Variants in FAM185A observed in about 807,000 individuals in gnomAD.
The protein encoded by FAM185A is family with sequence similarity 185 member A.
A neutral mutation model predicts 45.7 loss-of-function variants in FAM185A; 21 were observed. That is an observed-to-expected ratio of 0.46 (90% CI 0.33 to 0.66). FAM185A has a LOEUF of 0.66. FAM185A is among the 30% of genes least tolerant of loss of function. FAM185A has a pLI of 0.03. For missense variants in FAM185A, 305 were observed against 485.4 expected (o/e 0.63, Z 3.49); for synonymous variants, 117 against 194.0 (o/e 0.60, Z 3.30).
At chr7:102,779,359 T>C (rs190368920) in intron 6 of FAM185A, among the ~76,000 whole-genome samples, 4 of 152,128 alleles carry the variant, frequency 2.6e-5, no homozygotes, top group African/African-American at 9.6e-5. Context: ...TTTAAAGATA[T>C]GGAGGGAGAT....
At chr7:102,749,992 A>G (rs570772224) in intron 1 of FAM185A, among the ~76,000 whole-genome samples, 2 of 152,322 alleles carry the variant, frequency 1.3e-5, no homozygotes, top group South Asian at 4.1e-4. Context: ...TTTCTTGACA[A>G]TTCATTCAAT....
Position 102,749,422 on chromosome 7 carries a change from G to T in FAM185A, c.215G>T (p.Ser72Ile). The change falls in exon 1 of 8, where the codon AGC becomes ATC. Residue 72 changes from serine (S) to isoleucine (I), a missense_variant. Transcript: ENST00000413034. ...RTLKEWTLQV[S>I]PFGRLRARLP... ...CTGAAGGAGTGGACACTGCAGGTGA[G>T]CCCGTTTGGTCGGCTGCGGGCGCGG... 1 of 1,548,372 alleles carries T rather than the reference G, an allele frequency of 6.5e-7. No homozygotes were observed.
Position 102,749,011 on chromosome 7 carries a change from T to A in FAM185A, c.-197T>A. ...CAGGTCAGAGTTTAGAGCTTTCAAA[T>A]CCCAACTTGCCCCTGGGGATTGCGC... On this transcript the variant is annotated 5_prime_UTR_variant, in exon 1 of 8. Transcript: ENST00000413034. The A allele has an allele frequency of 1.1e-6, 1 of 872,966 alleles. No homozygotes were observed. Among genetic ancestry groups the A allele is most frequent in the Admixed American group, 2.0e-5 (1 of 50,146 alleles). 54.1% of individuals were successfully genotyped at this position (872,966 alleles called of 1,614,324 possible).
At chr7:102,823,074 C>T in the FAM185A span, among the ~76,000 whole-genome samples, 633 of 152,104 alleles carry the variant, frequency 4.2e-3, 3 homozygotes, top group African/African-American at 0.015. Context: ...GTGCCCTGCC[C>T]ACCCCCCACA....
chr7:102,749,186 G>T lies in FAM185A; in HGVS notation c.-22G>T, dbSNP rs200430114. On this transcript the variant is annotated 5_prime_UTR_variant, in exon 1 of 8. It adds an upstream start codon to the 5' untranslated region. Coordinates refer to ENST00000413034, the MANE Select transcript of FAM185A (RefSeq NM_001145268.2). ...CCTCCCTGTGGCTGAAGTGTTCTGAGGACTGGCGAGAGAGGCGCGCCATGC... is the reference window on the plus strand; with the variant it reads ...CCTCCCTGTGGCTGAAGTGTTCTGATGACTGGCGAGAGAGGCGCGCCATGC... 12,767 of 1,551,200 alleles carry T rather than the reference G, an allele frequency of 8.2e-3. 58 individuals carry two copies. Among genetic ancestry groups the T allele is most frequent in the South Asian group, 0.01 (842 of 84,048 alleles).
At chr7:102,828,636 G>A in the FAM185A span, among the ~76,000 whole-genome samples, 14 of 152,180 alleles carry the variant, frequency 9.2e-5, no homozygotes, top group African/African-American at 3.1e-4. Context: ...TCTGTAAAAT[G>A]AGGGTAATTT....
chr7:102,818,869 T>G, the FAM185A span, among the ~76,000 whole-genome samples: 1 of 152,128 alleles, frequency 6.6e-6, no homozygotes, highest in Non-Finnish European at 1.5e-5. Flanking sequence ...TGTGCCATGG[T>G]GTTTTGCTGC....
chr7:102,766,712 T>C (rs1480466547), intron 4 of FAM185A, among the ~76,000 whole-genome samples: 1 of 152,134 alleles, frequency 6.6e-6, no homozygotes, highest in Non-Finnish European at 1.5e-5. Flanking sequence ...CCTAGGTCAT[T>C]ATGAAGTTTT....
downstream of FAM185A, among the ~76,000 whole-genome samples, chr7:102,811,478 A>G (rs1797431655): frequency 6.6e-6 from 1 of 152,134 alleles, no homozygotes; most frequent in Non-Finnish European, 1.5e-5. Context: ...TAGCTGTAAA[A>G]TTTGTCTCCC....
chr7:102,809,162 C>T lies in FAM185A; in HGVS notation c.*760C>T, dbSNP rs1797293981. 1 of 152,152 alleles carries T rather than the reference C, an allele frequency of 6.6e-6. No individual in the cohort carries two copies. Among genetic ancestry groups the T allele is most frequent in the South Asian group, 2.1e-4 (1 of 4,818 alleles). The allele number at this position is 152,152 out of a possible 1,614,324, so 9.4% of individuals were successfully genotyped here. A position where few individuals can be genotyped will look rare whatever the true frequency, so the allele number is the denominator to read the frequency against. ...TAGCTCTCACATGACAGGTTTTCTA[C>T]TTAGTACCTTTTATGGCATCAATGT... On this transcript the variant is annotated 3_prime_UTR_variant, in exon 8 of 8. Transcript: ENST00000413034.
intron 6 of FAM185A, among the ~76,000 whole-genome samples, chr7:102,782,803 T>C (rs926221661): frequency 5.9e-5 from 9 of 151,964 alleles, no homozygotes; most frequent in African/African-American, 2.2e-4. Flanking sequence ...CATAACAATA[T>C]TAACCTTAAA....
intron 2 of FAM185A, among the ~76,000 whole-genome samples, chr7:102,752,684 A>T (rs1793445490): frequency 6.7e-6 from 1 of 149,892 alleles, no homozygotes; most frequent in South Asian, 2.1e-4. Flanking sequence ...CCTTGGGCTC[A>T]TGAAGTGCTG....
chr7:102,766,319 C>T (rs1302386907), intron 4 of FAM185A, among the ~76,000 whole-genome samples: 1 of 152,244 alleles, frequency 6.6e-6, no homozygotes, highest in African/African-American at 2.4e-5. Flanking sequence ...GGAAACATAT[C>T]TTGATAGATA....
At chr7:102,835,897 C>T in the FAM185A span, among the ~76,000 whole-genome samples, 1 of 152,126 alleles carries the variant, frequency 6.6e-6, no homozygotes, top group South Asian at 2.1e-4. Context: ...GCGTGAGCCA[C>T]CGCGCCCGGC....
In FAM185A at chr7:102,758,426, GCTTTTTT is replaced by G. The variant is rs1211536187; in HGVS notation, c.654+481_654+487del. On this transcript the variant is annotated intron_variant, in intron 3 of 7. Coordinates refer to ENST00000413034, the MANE Select transcript of FAM185A (RefSeq NM_001145268.2). The stretch of plus-strand genomic sequence containing the variant: ...ATTAGATAGCTTTACTGCTCTCACA[GCTTTTTT>G]TTTTTTTTTTTTTTTTTTTTTTTTT... Among the ~76,000 whole-genome samples, 5 of 95,864 alleles carry G rather than the reference GCTTTTTT, an allele frequency of 5.2e-5. 1 individual carries two copies. Among genetic ancestry groups the G allele is most frequent in the South Asian group, 6.8e-4 (2 of 2,962 alleles). 62.9% of individuals were successfully genotyped at this position (95,864 alleles called of 152,430 possible). A position where few individuals can be genotyped will look rare whatever the true frequency, so the allele number is the denominator to read the frequency against.
the FAM185A span, among the ~76,000 whole-genome samples, chr7:102,819,154 T>C: frequency 6.6e-6 from 1 of 152,314 alleles, no homozygotes; most frequent in African/African-American, 2.4e-5. Flanking sequence ...GGGGCCATTG[T>C]GAGGGTCTTT....
At chr7:102,843,437 TCAAAAA>T in the FAM185A span, among the ~76,000 whole-genome samples, 18 of 151,024 alleles carry the variant, frequency 1.2e-4, no homozygotes, top group South Asian at 6.3e-4. Flanking sequence ...AAACTCCATC[TCAAAAA>T]CAAAAACAAA....
the FAM185A span, among the ~76,000 whole-genome samples, chr7:102,849,197 C>T: frequency 6.6e-6 from 1 of 152,210 alleles, no homozygotes; most frequent in Non-Finnish European, 1.5e-5. Flanking sequence ...TGCTCAGTTA[C>T]AGCTGCATCA....
rs186163584 is a variant in FAM185A at position 102,798,150 on chromosome 7, A to G, written c.1067-10140A>G. ...TTAGTGGAAGCCACAGTGTATAGGG[A>G]TAGAGTAGTCATTTTCCCATTTCTT... On this transcript the variant is annotated intron_variant, in intron 7 of 7. Transcript: ENST00000413034. 7.3e-3 allele frequency among the ~76,000 whole-genome samples: 1,117 copies of G among 152,318 alleles called. 11 individuals are homozygous for G. The highest frequency in any genetic ancestry group is 0.025 in the African/African-American group (1,055 of 41,582).
Sources: allele counts gnomAD v4.1 joint callset (sites outside exome capture counted in the v4.1 genomes callset), GRCh38; gene constraint gnomAD v4.1.1; transcripts MANE v1.5; gene names NCBI Gene and HGNC (gene_info 2026-07-23, HGNC 2026-07-21).